The following MSH3 variants were observed in gnomAD, a reference collection of about 807,000 sequenced individuals.
The protein encoded by MSH3 is mutS homolog 3, also known as DNA mismatch repair protein Msh3.
A neutral mutation model predicts 123.3 loss-of-function variants in MSH3; 106 were observed. The observed-to-expected ratio is 0.86, with a 90% CI of 0.73 to 1.01. The LOEUF (loss-of-function observed/expected upper bound fraction) is 1.01. Among genes scored for constraint, MSH3 ranks in the 50% least tolerant of loss-of-function variants. The probability of loss-of-function intolerance (pLI) is 0.00; values close to 1 mark genes in which losing one functional copy is unlikely to be tolerated. For synonymous variants in MSH3, 515 were observed against 481.4 expected (o/e 1.07, Z -0.91); for missense variants, 1,459 against 1,347.6 (o/e 1.08, Z -1.29).
At chr5:80,829,579 A>G (rs1580075876) in intron 20 of MSH3, among the ~76,000 whole-genome samples, 1 of 152,178 alleles carries the variant, frequency 6.6e-6, no homozygotes, top group Non-Finnish European at 1.5e-5. Flanking sequence ...CACACTTAGG[A>G]TGAGTCCTAC....
intron 12 of MSH3, chr5:80,746,305 A>G (rs1462530982): frequency 3.1e-6 from 1 of 325,234 alleles, no homozygotes; most frequent in Non-Finnish European, 6.0e-6. Context: ...TATTTGGAAC[A>G]ATCCTTACAG....
chr5:80,796,182 C>G (rs1744695895), intron 19 of MSH3, among the ~76,000 whole-genome samples: 1 of 152,130 alleles, frequency 6.6e-6, no homozygotes, highest in Non-Finnish European at 1.5e-5. Context: ...GAATATTACC[C>G]TTGGGATTGA....
intron 19 of MSH3, among the ~76,000 whole-genome samples, chr5:80,798,435 G>A (rs1744736690): frequency 6.6e-6 from 1 of 152,092 alleles, no homozygotes. Flanking sequence ...TACTTGCTTT[G>A]GCTGTATAAA....
Position 80,654,925 on chromosome 5 carries a change from CCCAGCTCCCGCCTT to C in MSH3, c.201_214del (p.Phe71AlafsTer9). 1.2e-6 allele frequency: 1 copy of C among 818,594 alleles called. No homozygotes were observed. Among genetic ancestry groups the C allele is most frequent in the Non-Finnish European group, 1.7e-6 (1 of 603,016 alleles). 50.7% of individuals were successfully genotyped at this position (818,594 alleles called of 1,614,324 possible). On this transcript the variant is annotated frameshift_variant, in exon 1 of 24. Coordinates refer to ENST00000265081, the MANE Select transcript of MSH3 (RefSeq NM_002439.5). LOFTEE classifies it high-confidence loss of function. ...CAGCGGCCGCAGCGCCCCCAGCGCC[CCCAGCTCCCGCCTT>C]CCCGCCCCAGCTGCCGCCGCACATA...
chr5:80,723,059 G>C (rs1390045713), intron 8 of MSH3, among the ~76,000 whole-genome samples: 3 of 151,292 alleles, frequency 2.0e-5, no homozygotes, highest in Non-Finnish European at 4.4e-5. Flanking sequence ...AATGAGCCCT[G>C]GTCCAGCCTA....
At chr5:80,685,441 G>A (rs917039221) in intron 8 of MSH3, among the ~76,000 whole-genome samples, 42 of 151,496 alleles carry the variant, frequency 2.8e-4, no homozygotes, top group Non-Finnish European at 5.8e-4. Context: ...CTAGATTTTC[G>A]GATTTATTGG....
chr5:80,665,251 T>C lies in MSH3; in HGVS notation c.467T>C (p.Leu156Pro). ...LPQSRVQTES[L>P]QERFAVLPKC... is the part of the protein sequence containing the mutation. Reference sequence around the variant, plus strand: ...CAAAGTAGAGTCCAGACAGAATCTCTGCAGGAGAGATTTGCAGTTCTGCCA... The same window carrying C: ...CAAAGTAGAGTCCAGACAGAATCTCCGCAGGAGAGATTTGCAGTTCTGCCA... Residue 156 changes from leucine to proline, a missense_variant, in exon 3 of 24, where the codon CTG (leucine) becomes CCG (proline). By Grantham distance (98) the Leu-to-Pro change is moderately conservative (BLOSUM62 -3). Coordinates refer to ENST00000265081, the MANE Select transcript of MSH3 (RefSeq NM_002439.5). 1 of 1,614,112 alleles carries C rather than the reference T, an allele frequency of 6.2e-7. No homozygotes were observed. The highest frequency in any genetic ancestry group is 1.1e-5 in the South Asian group (1 of 91,080).
At position 80,792,841 on chromosome 5, in the gene MSH3, ATCAGTAAGTACC is replaced by A; in HGVS notation, c.2654_2655+10del. Reference sequence around the variant, plus strand: ...AATATGTCCCAAATAATACAGATTTATCAGTAAGTACCTTATGCCAAAAAATAAGTCGATGAT... The same window carrying A: ...AATATGTCCCAAATAATACAGATTTATTATGCCAAAAAATAAGTCGATGAT... On this transcript the variant is annotated splice_donor_variant and splice_donor_5th_base_variant and coding_sequence_variant and intron_variant, in exon 19 of 24. Coordinates refer to ENST00000265081, the MANE Select transcript of MSH3 (RefSeq NM_002439.5). LOFTEE classifies it high-confidence loss of function. 2.5e-6 allele frequency: 4 copies of A among 1,592,360 alleles called. No individual in the cohort carries two copies. The highest frequency in any genetic ancestry group is 3.4e-6 in the Non-Finnish European group (4 of 1,160,410).
At chr5:80,753,413 T>G (rs1040198252) in intron 12 of MSH3, among the ~76,000 whole-genome samples, 2 of 152,208 alleles carry the variant, frequency 1.3e-5, no homozygotes, top group African/African-American at 2.4e-5. Flanking sequence ...GGAGGATTAC[T>G]GGTGAGTAGG....
Position 80,670,365 on chromosome 5 carries a change from T to C in MSH3, c.792+56T>C, listed in dbSNP as rs1007365102. On this transcript the variant is annotated intron_variant, in intron 4 of 23. Transcript: ENST00000265081. ...TTTTTCTTGTCTAGCCTTAGATATT[T>C]TTCAGTATTTTTGTTTCATTTTCTG... is the stretch of plus-strand genomic sequence containing the variant. 38 of 1,538,850 alleles carry C rather than the reference T, an allele frequency of 2.5e-5. No homozygotes were observed. In the Admixed American group the frequency reaches 6.2e-4, roughly 25 times the overall value.
chr5:80,734,694 C>T (rs1743471504), intron 10 of MSH3, among the ~76,000 whole-genome samples: 1 of 152,102 alleles, frequency 6.6e-6, no homozygotes, highest in African/African-American at 2.4e-5. Flanking sequence ...TTTCCATGGT[C>T]CCACAGAGGT....
At chr5:80,847,640 T>C (rs1043245629) in intron 20 of MSH3, among the ~76,000 whole-genome samples, 7 of 152,174 alleles carry the variant, frequency 4.6e-5, no homozygotes, top group African/African-American at 1.7e-4. Context: ...TTAATCCTTA[T>C]TATAAAATTT....
chr5:80,781,716 T>C (rs1250909283), intron 17 of MSH3, among the ~76,000 whole-genome samples: 1 of 152,116 alleles, frequency 6.6e-6, no homozygotes, highest in Non-Finnish European at 1.5e-5. Context: ...CAACCTGTTA[T>C]CAAATTTCTG....
chr5:80,674,599 T>G (rs1361785007), intron 6 of MSH3, among the ~76,000 whole-genome samples: 2 of 152,180 alleles, frequency 1.3e-5, no homozygotes, highest in Non-Finnish European at 2.9e-5. Flanking sequence ...TTATCTGTCT[T>G]TATGCTCTTT....
intron 16 of MSH3, among the ~76,000 whole-genome samples, chr5:80,778,166 GTGGTATT>G (rs1744338539): frequency 6.6e-6 from 1 of 152,342 alleles, no homozygotes; most frequent in South Asian, 2.1e-4. Flanking sequence ...TGGGGAGCAT[GTGGTATT>G]TCTTCCTATC....
intron 8 of MSH3, among the ~76,000 whole-genome samples, chr5:80,696,195 C>A (rs1042610135): frequency 6.6e-6 from 1 of 152,310 alleles, no homozygotes; most frequent in Middle Eastern, 3.4e-3. Flanking sequence ...AGTCCAGTCT[C>A]TGTCTGGTGT....
intron 12 of MSH3, among the ~76,000 whole-genome samples, chr5:80,756,764 ACTTTGTAC>A: frequency 6.6e-6 from 1 of 152,316 alleles, no homozygotes; most frequent in East Asian, 1.9e-4. Flanking sequence ...AATGTCTACC[ACTTTGTAC>A]AATTAGTACT....
intron 8 of MSH3, among the ~76,000 whole-genome samples, chr5:80,683,655 C>T (rs1290356599): frequency 1.3e-5 from 2 of 152,110 alleles, no homozygotes; most frequent in African/African-American, 2.4e-5. Flanking sequence ...CATGGGTTGT[C>T]TCTTCACTTT....
At chr5:80,681,716 T>C (rs1178113044) in intron 8 of MSH3, among the ~76,000 whole-genome samples, 1 of 152,032 alleles carries the variant, frequency 6.6e-6, no homozygotes, top group African/African-American at 2.4e-5. Flanking sequence ...ATTCATTTTT[T>C]TGTTTTCTGC....
Sources: allele counts gnomAD v4.1 joint callset (sites outside exome capture counted in the v4.1 genomes callset), GRCh38; gene constraint gnomAD v4.1.1; transcripts MANE v1.5; gene names NCBI Gene and HGNC (gene_info 2026-07-23, HGNC 2026-07-21).